The following LRPPRC variants were observed in gnomAD, a reference collection of about 807,000 sequenced individuals.
The protein encoded by LRPPRC is leucine-rich PPR motif-containing protein, mitochondrial.
A neutral mutation model predicts 180.3 loss-of-function variants in LRPPRC; 120 were observed. The observed-to-expected ratio is 0.67, with a 90% confidence interval of 0.57 to 0.77. LRPPRC has a LOEUF of 0.77. Ranked by LOEUF, LRPPRC falls within the 30% of genes least tolerant of loss-of-function variation. LRPPRC has a pLI of 0.00. For synonymous variants in LRPPRC, 723 were observed against 600.0 expected, an observed-to-expected ratio of 1.21 and a Z score of -3.00; for missense variants, 2,012 against 1,657.2, an observed-to-expected ratio of 1.21 and a Z score of -3.72.
At position 43,901,722 on chromosome 2, in the gene LRPPRC, A is replaced by G. The variant is rs1362721314; in HGVS notation, c.3365-198T>C. 7.1e-5 allele frequency: 40 copies of G among 561,406 alleles called. No individual in the cohort carries two copies. The South Asian group carries it at 8.7e-4, about 12-fold the overall frequency. The allele number at this position is 561,406 out of a possible 1,614,324, so 34.8% of individuals were successfully genotyped here. A position where few individuals can be genotyped will look rare whatever the true frequency, so the allele number is the denominator to read the frequency against. ...TATTTACTTGACTATATAAGATATTAGAGGCCCGAGGAATTTCTTCTTTAA... is the reference window on the plus strand; with the variant it reads ...TATTTACTTGACTATATAAGATATTGGAGGCCCGAGGAATTTCTTCTTTAA... On this transcript the variant is annotated intron_variant, in intron 31 of 37. Coordinates refer to ENST00000260665, the MANE Select transcript of LRPPRC (RefSeq NM_133259.4).
chr2:43,934,428 T>C (rs186102795), intron 24 of LRPPRC, 132 bp from the exon 25 acceptor site: 4 of 632,542 alleles, frequency 6.3e-6, no homozygotes, highest in Admixed American at 2.9e-5. Context: ...TTAAAGAATA[T>C]AGCTATATCG....
Position 43,897,915 on chromosome 2 carries a change from T to C in LRPPRC, c.3826-1207A>G, listed in dbSNP as rs553044459. ...CATCATGTGTATAATTAGATATGTA[T>C]ATGCTTATTATACCCCTAGTAGGTA... On this transcript the variant is annotated intron_variant, in intron 34 of 37. Transcript: ENST00000260665. Among the ~76,000 whole-genome samples, 4 of 152,206 alleles carry C rather than the reference T, an allele frequency of 2.6e-5. No individual in the cohort carries two copies. In the South Asian group the frequency reaches 6.2e-4, roughly 24 times the overall value.
At chr2:43,896,770 A>G (rs1016102567) in intron 34 of LRPPRC, 62 bp from the exon 35 acceptor site, 23 of 956,942 alleles carry the variant, frequency 2.4e-5, no homozygotes, top group African/African-American at 1.6e-4. Context: ...ATCAAACTGA[A>G]TATTTCCAAT....
intron 32 of LRPPRC, among the ~76,000 whole-genome samples, chr2:43,900,020 C>T (rs1670830628): frequency 6.6e-6 from 1 of 151,996 alleles, no homozygotes; most frequent in Non-Finnish European, 1.5e-5. Context: ...CTTTATGATC[C>T]ACAACTTGTC....
At chr2:43,954,066 T>C (rs886953773) in intron 14 of LRPPRC, among the ~76,000 whole-genome samples, 1 of 152,230 alleles carries the variant, frequency 6.6e-6, no homozygotes, top group Non-Finnish European at 1.5e-5. Context: ...CCTCTTTTTA[T>C]AGGGCTATCT....
intron 23 of LRPPRC, among the ~76,000 whole-genome samples, chr2:43,943,294 C>T (rs1672552284): frequency 6.6e-6 from 1 of 152,008 alleles, no homozygotes; most frequent in Admixed American, 6.6e-5. Context: ...TTAAAATACC[C>T]TGTGAAGAAA....
At chr2:43,899,869 G>A (rs552849563) in intron 32 of LRPPRC, among the ~76,000 whole-genome samples, 4 of 152,276 alleles carry the variant, frequency 2.6e-5, no homozygotes, top group African/African-American at 9.6e-5. Flanking sequence ...TTTTAACAAT[G>A]CTCTACAGAC....
At chr2:43,982,719 T>A (rs1674367397) in intron 1 of LRPPRC, among the ~76,000 whole-genome samples, 1 of 152,178 alleles carries the variant, frequency 6.6e-6, no homozygotes, top group Non-Finnish European at 1.5e-5. Flanking sequence ...GGAAATACAG[T>A]GTGTTTTAAG....
intron 27 of LRPPRC, among the ~76,000 whole-genome samples, chr2:43,920,167 G>A (rs920937219): frequency 1.3e-5 from 2 of 150,476 alleles, no homozygotes; most frequent in African/African-American, 4.9e-5. Context: ...ATGGAGTCTT[G>A]CTCTGTTGCC....
At chr2:43,932,839 A>C (rs1320111428) in intron 25 of LRPPRC, among the ~76,000 whole-genome samples, 1 of 152,202 alleles carries the variant, frequency 6.6e-6, no homozygotes, top group East Asian at 1.9e-4. Flanking sequence ...AGATGGCAAA[A>C]CAAGAAATCA....
chr2:43,904,916 T>C (rs1211128884), intron 31 of LRPPRC, among the ~76,000 whole-genome samples: 1 of 152,044 alleles, frequency 6.6e-6, no homozygotes, highest in Non-Finnish European at 1.5e-5. Context: ...AATCTTAAAG[T>C]GGAAAGCTAC....
chr2:43,991,099 T>C (rs1373602742), intron 1 of LRPPRC, among the ~76,000 whole-genome samples: 1 of 151,298 alleles, frequency 6.6e-6, no homozygotes, highest in East Asian at 1.9e-4. Context: ...GCCTGATCTC[T>C]GCTCACTACA....
intron 31 of LRPPRC, chr2:43,902,018 T>G (rs1317249650): frequency 6.4e-6 from 1 of 155,344 alleles, no homozygotes; most frequent in Non-Finnish European, 1.4e-5. Flanking sequence ...AACATTGAAC[T>G]TTAACACCAA....
chr2:43,980,598 G>A (rs1246275350), intron 2 of LRPPRC, among the ~76,000 whole-genome samples: 2 of 116,426 alleles, frequency 1.7e-5, no homozygotes, highest in African/African-American at 6.5e-5. Context: ...GAGAGAGAGA[G>A]AGAAAGAAAG....
chr2:43,933,781 C>G (rs909358750), intron 25 of LRPPRC, among the ~76,000 whole-genome samples: 1 of 152,116 alleles, frequency 6.6e-6, no homozygotes, highest in African/African-American at 2.4e-5. Flanking sequence ...AACTTGTAGA[C>G]AAGCATTACA....
rs575079579 is a variant in LRPPRC, at chr2:43,955,590, A to G, written c.1649+1795T>C. ...CCGTCTCTACAAAAAAATTTTAAAA[A>G]TCAGCCAGCCATGGTGGCATGCGCC... is the stretch of plus-strand genomic sequence containing the variant. On this transcript the variant is annotated intron_variant, in intron 14 of 37. Transcript: ENST00000260665. Among the ~76,000 whole-genome samples the G allele has an allele frequency of 5.2e-4, 79 of 152,248 alleles. 1 individual carries two copies. Among genetic ancestry groups the G allele is most frequent in the Non-Finnish European group, 1.0e-3 (70 of 68,004 alleles).
In LRPPRC at chr2:43,888,557, C is replaced by T. The variant is rs748737002; in HGVS notation, c.*43G>A. On this transcript the variant is annotated 3_prime_UTR_variant, in exon 38 of 38. Transcript: ENST00000260665. The stretch of plus-strand genomic sequence containing the variant: ...TATACTTCAAAATAACATGTAGACA[C>T]AGAATCACAAATATATACAAAACAA... 6 of 1,221,458 alleles carry T rather than the reference C, an allele frequency of 4.9e-6. No homozygotes were observed. Among genetic ancestry groups the T allele is most frequent in the Non-Finnish European group, 6.1e-6 (5 of 823,492 alleles). The allele number at this position is 1,221,458 out of a possible 1,614,324, so 75.7% of individuals were successfully genotyped here. A position where few individuals can be genotyped will look rare whatever the true frequency, so the allele number is the denominator to read the frequency against.
chr2:43,932,734 T>C (rs1026306504), intron 25 of LRPPRC, among the ~76,000 whole-genome samples: 7 of 152,368 alleles, frequency 4.6e-5, no homozygotes, highest in African/African-American at 1.4e-4. Flanking sequence ...ACATACATTA[T>C]GTGATTGAAT....
intron 27 of LRPPRC, among the ~76,000 whole-genome samples, chr2:43,923,410 T>C (rs1671766494): frequency 6.6e-6 from 1 of 152,180 alleles, no homozygotes; most frequent in Non-Finnish European, 1.5e-5. Context: ...GAGGATTTCT[T>C]GAGCCCAGGA....
Sources: gnomAD v4.1 joint callset for allele counts (sites outside exome capture counted in the v4.1 genomes callset) on GRCh38, gnomAD v4.1.1 for gene constraint, MANE v1.5 for transcripts, NCBI Gene and HGNC (gene_info 2026-07-23, HGNC 2026-07-21) for gene names.